The following NXPH2 variants were observed in gnomAD, a reference collection of about 807,000 sequenced individuals.
NXPH2 encodes neurexophilin 2, also known as neurexophilin-2.
In NXPH2, 5 loss-of-function variants were observed where a neutral mutation model predicts 19.8. The ratio of observed to expected loss-of-function variants is 0.25; its 90% CI spans 0.13 to 0.53. The LOEUF (loss-of-function observed/expected upper bound fraction) is 0.53, where lower values mean the gene tolerates loss of function less well. NXPH2 is among the 20% of genes least tolerant of loss of function. NXPH2 has a pLI of 0.96. For synonymous variants in NXPH2, 154 were observed against 127.4 expected, an observed-to-expected ratio of 1.21 and a Z score of -1.41; for missense variants, 289 against 322.8, an observed-to-expected ratio of 0.90 and a Z score of 0.80.
Position 138,671,107 on chromosome 2 carries a change from T to G in NXPH2, c.610A>C (p.Asn204His). ...TDRAKKTALC[N>H]FDPSKICYQE... ...TAGCAGATCTTGGATGGGTCAAAGT[T>G]GCACAGGGCGGTCTTTTTCGCCCGA... The change falls in exon 2 of 2, where the codon AAC (asparagine) becomes CAC (histidine). Residue 204 changes from asparagine to histidine, a missense_variant. Transcript: ENST00000272641. The G allele has an allele frequency of 6.2e-7, 1 of 1,613,966 alleles. No homozygotes were observed. The highest frequency in any genetic ancestry group is 8.5e-7 in the Non-Finnish European group (1 of 1,179,860).
At chr2:138,725,573 T>A (rs2104996340) in intron 1 of NXPH2, among the ~76,000 whole-genome samples, 1 of 152,378 alleles carries the variant, frequency 6.6e-6, no homozygotes, top group African/African-American at 2.4e-5. Flanking sequence ...CTTCAGAGTT[T>A]TAATTCAAGG....
chr2:138,690,592 A>AAC (rs1553481553), intron 1 of NXPH2, among the ~76,000 whole-genome samples: 4 of 151,968 alleles, frequency 2.6e-5, no homozygotes, highest in African/African-American at 9.7e-5. Flanking sequence ...TGAAAAAAAA[A>AAC]AAAACAAAAC....
At chr2:138,772,400 A>G (rs1352638329) in intron 1 of NXPH2, among the ~76,000 whole-genome samples, 4 of 152,166 alleles carry the variant, frequency 2.6e-5, no homozygotes, top group African/African-American at 9.7e-5. Flanking sequence ...GGATTCAAGC[A>G]ATTCTCCTGC....
chr2:138,704,748 C>G (rs752424334), intron 1 of NXPH2, among the ~76,000 whole-genome samples: 17 of 152,200 alleles, frequency 1.1e-4, no homozygotes, highest in Non-Finnish European at 1.9e-4. Flanking sequence ...GCCTGAACTC[C>G]TCGGCTCAAG....
intron 1 of NXPH2, among the ~76,000 whole-genome samples, chr2:138,679,206 T>C (rs1363891669): frequency 6.6e-6 from 1 of 152,144 alleles, no homozygotes; most frequent in Non-Finnish European, 1.5e-5. Context: ...TCAACTTCCA[T>C]TTAATGTAAA....
chr2:138,683,738 C>G (rs1481978948), intron 1 of NXPH2, among the ~76,000 whole-genome samples: 1 of 152,124 alleles, frequency 6.6e-6, no homozygotes, highest in East Asian at 1.9e-4. Flanking sequence ...TACAATCAGT[C>G]CACTTTTTGC....
intron 1 of NXPH2, among the ~76,000 whole-genome samples, chr2:138,721,266 G>T (rs778348945): frequency 6.6e-6 from 1 of 151,782 alleles, no homozygotes; most frequent in Admixed American, 6.6e-5. Flanking sequence ...GCTTGAACCC[G>T]GGAAGTGGAG....
At chr2:138,762,473 C>T (rs1032103002) in intron 1 of NXPH2, among the ~76,000 whole-genome samples, 1 of 152,092 alleles carries the variant, frequency 6.6e-6, no homozygotes, top group Non-Finnish European at 1.5e-5. Context: ...CACCTCATTT[C>T]AATATAAATC....
chr2:138,671,116 C>A lies in NXPH2; in HGVS notation c.601G>T (p.Ala201Ser), dbSNP rs765810849. The A allele has an allele frequency of 1.2e-6, 2 of 1,613,754 alleles. No individual in the cohort carries two copies. The highest frequency in any genetic ancestry group is 1.7e-6 in the Non-Finnish European group (2 of 1,179,852). ...YEKTDRAKKT[A>S]LCNFDPSKIC... ...TTGGATGGGTCAAAGTTGCACAGGG[C>A]GGTCTTTTTCGCCCGATCTGTTTTT... is the stretch of plus-strand genomic sequence containing the variant. The change falls in exon 2 of 2, where the codon GCC becomes TCC. Residue 201 changes from alanine to serine, a missense_variant. Ala to Ser is a moderately conservative substitution (Grantham distance 99, BLOSUM62 1). Transcript: ENST00000272641.
At chr2:138,726,793 A>G (rs1339936561) in intron 1 of NXPH2, among the ~76,000 whole-genome samples, 1 of 152,144 alleles carries the variant, frequency 6.6e-6, no homozygotes, top group Non-Finnish European at 1.5e-5. Flanking sequence ...TATCACCTGA[A>G]GCTCACAGCA....
intron 1 of NXPH2, among the ~76,000 whole-genome samples, chr2:138,703,953 C>T (rs1230814940): frequency 1.3e-5 from 2 of 152,304 alleles, no homozygotes; most frequent in African/African-American, 2.4e-5. Context: ...CAGGCTTTTC[C>T]TGCGCCACCA....
chr2:138,735,817 A>T (rs1681529702), intron 1 of NXPH2, among the ~76,000 whole-genome samples: 1 of 152,206 alleles, frequency 6.6e-6, no homozygotes, highest in Non-Finnish European at 1.5e-5. Context: ...CCTAGATACA[A>T]TGGGGGGTAC....
At chr2:138,717,572 T>C (rs1349554859) in intron 1 of NXPH2, among the ~76,000 whole-genome samples, 1 of 151,974 alleles carries the variant, frequency 6.6e-6, no homozygotes, top group Non-Finnish European at 1.5e-5. Context: ...GTGATGGATC[T>C]AATCAACTCC....
intron 1 of NXPH2, among the ~76,000 whole-genome samples, chr2:138,720,715 A>C (rs775725684): frequency 6.6e-6 from 1 of 152,172 alleles, no homozygotes; most frequent in Non-Finnish European, 1.5e-5. Flanking sequence ...GTGGCAAGAA[A>C]ATACGGTTCA....
In NXPH2 at chr2:138,718,791, G is replaced by T. The variant is rs533385948; in HGVS notation, c.52-47126C>A. 2.0e-5 allele frequency among the ~76,000 whole-genome samples: 3 copies of T among 152,246 alleles called. No homozygotes were observed. The East Asian group carries it at 5.8e-4, about 29-fold the overall frequency. On this transcript the variant is annotated intron_variant, in intron 1 of 1. Coordinates refer to ENST00000272641, the MANE Select transcript of NXPH2 (RefSeq NM_007226.3). ...TTTATAAAAGCATAATCCCATTAAT[G>T]CCTTTTTAAAGTTGGTTCAAAAGCT...
intron 1 of NXPH2, among the ~76,000 whole-genome samples, chr2:138,735,919 C>T (rs906905298): frequency 6.6e-6 from 1 of 152,238 alleles, no homozygotes; most frequent in Non-Finnish European, 1.5e-5. Context: ...TCCAGCAAGG[C>T]AGTCAAATCT....
rs1294353281 is a variant in NXPH2 at position 138,670,318 on chromosome 2, C to A, written c.*604G>T. Among the ~76,000 whole-genome samples the A allele has an allele frequency of 6.6e-6, 1 of 152,192 alleles. No homozygotes were observed. Among genetic ancestry groups the A allele is most frequent in the Non-Finnish European group, 1.5e-5 (1 of 68,036 alleles). The stretch of plus-strand genomic sequence containing the variant: ...CTAAGTGCTCAAATCACATTCCACG[C>A]AACTGTAGCTCAGATGATAAGGAAC... On this transcript the variant is annotated 3_prime_UTR_variant, in exon 2 of 2. Transcript: ENST00000272641.
At chr2:138,740,189 A>T (rs1681621135) in intron 1 of NXPH2, among the ~76,000 whole-genome samples, 1 of 152,216 alleles carries the variant, frequency 6.6e-6, no homozygotes, top group African/African-American at 2.4e-5. Context: ...ATGGAGTAGA[A>T]AAGGGTGAGG....
intron 1 of NXPH2, among the ~76,000 whole-genome samples, chr2:138,697,541 G>T (rs1436115132): frequency 6.6e-6 from 1 of 151,908 alleles, no homozygotes; most frequent in African/African-American, 2.4e-5. Flanking sequence ...GTGGGGAAAA[G>T]TGATATACGT....
Sources: allele counts gnomAD v4.1 joint callset (sites outside exome capture counted in the v4.1 genomes callset), GRCh38; gene constraint gnomAD v4.1.1; transcripts MANE v1.5; gene names NCBI Gene and HGNC (gene_info 2026-07-23, HGNC 2026-07-21).